Variants in SCAF11 observed in about 807,000 individuals in gnomAD.
The protein encoded by SCAF11 is protein SCAF11.
Under a neutral mutation model 140.5 loss-of-function variants are expected in SCAF11, and 47 were observed. The ratio of observed to expected loss-of-function variants is 0.33; its 90% CI spans 0.26 to 0.43. The LOEUF is 0.43. Among genes scored for constraint, SCAF11 ranks in the 20% least tolerant of loss-of-function variants. The pLI, the probability that SCAF11 is intolerant of heterozygous loss-of-function variation, is 1.00. For missense variants in SCAF11, 1,645 were observed against 1,705.1 expected, an observed-to-expected ratio of 0.96 and a Z score of 0.62; for synonymous variants, 557 against 579.4, an observed-to-expected ratio of 0.96 and a Z score of 0.55.
intron 1 of SCAF11, among the ~76,000 whole-genome samples, chr12:45,969,902 A>G (rs1049941438): frequency 6.8e-6 from 1 of 146,870 alleles, no homozygotes; most frequent in African/African-American, 2.5e-5. Flanking sequence ...ACATTCAACC[A>G]TTTTTTTTTT....
intron 1 of SCAF11, among the ~76,000 whole-genome samples, chr12:45,979,820 T>A (rs1015629631): frequency 2.0e-5 from 3 of 151,926 alleles, no homozygotes; most frequent in African/African-American, 7.3e-5. Context: ...CATTTCACAA[T>A]CCTACTCCTA....
chr12:45,971,687 AAG>A (rs1258774117), intron 1 of SCAF11, among the ~76,000 whole-genome samples: 3 of 152,112 alleles, frequency 2.0e-5, no homozygotes, highest in Admixed American at 6.5e-5. Context: ...AATGTTCAGA[AAG>A]AGAGGGGGAA....
chr12:45,933,760 C>A (rs1414030648), intron 8 of SCAF11, among the ~76,000 whole-genome samples: 2 of 152,044 alleles, frequency 1.3e-5, no homozygotes, highest in African/African-American at 4.8e-5. Flanking sequence ...GATTTTAAAA[C>A]CTCAATTTAA....
At chr12:45,991,887 A>C (rs965668337), upstream of SCAF11, 14 of 1,285,556 alleles carry the variant, frequency 1.1e-5, no homozygotes, top group East Asian at 7.3e-4. Context: ...CGGCTCACCC[A>C]GGTCCCAGTC....
chr12:45,992,010 T>C, upstream of SCAF11: 2 of 1,289,034 alleles, frequency 1.6e-6, no homozygotes, highest in Non-Finnish European at 2.0e-6. Context: ...CTCCCCACTT[T>C]GCCGCGGCCC....
At chr12:45,983,290 T>G (rs1298559295) in intron 1 of SCAF11, among the ~76,000 whole-genome samples, 1 of 152,054 alleles carries the variant, frequency 6.6e-6, no homozygotes, top group Non-Finnish European at 1.5e-5. Context: ...GAAAGAAGAC[T>G]AGATATCAAA....
chr12:45,963,994 T>G, intron 2 of SCAF11, 113 bp downstream of exon 2: 2 of 625,006 alleles, frequency 3.2e-6, no homozygotes, highest in South Asian at 1.9e-5. Context: ...TTTTGGAATT[T>G]AAGAACAACA....
intron 6 of SCAF11, among the ~76,000 whole-genome samples, chr12:45,938,225 C>A (rs1220245856): frequency 6.6e-6 from 1 of 152,212 alleles, no homozygotes; most frequent in Non-Finnish European, 1.5e-5. Context: ...CACAGTGGCT[C>A]ACAACTGTAA....
upstream of SCAF11, chr12:45,992,007 C>A (rs1402579868): frequency 7.8e-7 from 1 of 1,288,972 alleles, no homozygotes; most frequent in Non-Finnish European, 1.0e-6. Context: ...TTCCTCCCCA[C>A]TTTGCCGCGG....
chr12:45,981,883 A>G (rs1946359248), intron 1 of SCAF11, among the ~76,000 whole-genome samples: 1 of 152,208 alleles, frequency 6.6e-6, no homozygotes, highest in Non-Finnish European at 1.5e-5. Context: ...CACACCAATT[A>G]AAAGAGATTA....
chr12:45,981,800 T>C (rs1490460667), intron 1 of SCAF11, among the ~76,000 whole-genome samples: 3 of 152,122 alleles, frequency 2.0e-5, no homozygotes, highest in East Asian at 1.9e-4. Flanking sequence ...TCTCTCCCCA[T>C]ACCTCCCAAA....
chr12:45,981,470 T>G (rs757699585), intron 1 of SCAF11, among the ~76,000 whole-genome samples: 1 of 152,212 alleles, frequency 6.6e-6, no homozygotes, highest in Non-Finnish European at 1.5e-5. Context: ...AGCTCTGAGA[T>G]TCCTGTCTCC....
chr12:45,945,370 C>T, intron 5 of SCAF11, 57 bp from the exon 6 acceptor site: 1 of 1,048,756 alleles, frequency 9.5e-7, no homozygotes, highest in Non-Finnish European at 1.4e-6. Flanking sequence ...ATTTTGCTCA[C>T]TTATTTTCAA....
At chr12:45,990,781 G>A (rs1454095498), upstream of SCAF11, among the ~76,000 whole-genome samples, 2 of 152,242 alleles carry the variant, frequency 1.3e-5, no homozygotes, top group Non-Finnish European at 2.9e-5. Context: ...ACTGCTGTTT[G>A]AGACCGAGAA....
chr12:45,927,862 A>T lies in SCAF11; in HGVS notation c.1839T>A (p.Ser613=). 1 of 1,613,838 alleles carries T rather than the reference A, an allele frequency of 6.2e-7. No individual in the cohort carries two copies. The highest frequency in any genetic ancestry group is 1.1e-5 in the South Asian group (1 of 91,000). ...EELIESPKLE[S]SEGEIIQTVD... Reference sequence around the variant, plus strand: ...CTGTCTGTATAATTTCACCCTCAGAAGATTCTAACTTGGGGCTCTCTATAA... The same window carrying T: ...CTGTCTGTATAATTTCACCCTCAGATGATTCTAACTTGGGGCTCTCTATAA... Residue 613 remains serine, a synonymous_variant, in exon 11 of 15, where the codon TCT becomes TCA. Transcript: ENST00000369367.
chr12:45,924,730 G>A lies in SCAF11; in HGVS notation c.3904C>T (p.Gln1302Ter). 1 of 1,599,352 alleles carries A rather than the reference G, an allele frequency of 6.3e-7. No individual in the cohort carries two copies. Among genetic ancestry groups the A allele is most frequent in the Non-Finnish European group, 8.6e-7 (1 of 1,169,114 alleles). ...IASQPDGKQL[Q>*]GIPSSSHVSN... ...AACTTGAGTTGCTAAAAACATACCTGCAATTGCTTTCCATCTGGTTGTGAA... is the reference window on the plus strand; with the variant it reads ...AACTTGAGTTGCTAAAAACATACCTACAATTGCTTTCCATCTGGTTGTGAA... Residue 1302 changes from glutamine (Q) to a stop codon, truncating the protein, a stop_gained and splice_region_variant, in exon 12 of 15, where the codon CAG (glutamine) becomes TAG (stop). Transcript: ENST00000369367. LOFTEE classifies it high-confidence loss of function.
At chr12:45,944,885 T>C (rs1407282649) in intron 6 of SCAF11, among the ~76,000 whole-genome samples, 1 of 152,220 alleles carries the variant, frequency 6.6e-6, no homozygotes, top group Non-Finnish European at 1.5e-5. Flanking sequence ...CAGTCTTCCT[T>C]TGCTACTGCT....
rs148536014 is a variant in SCAF11 at position 45,928,530 on chromosome 12, G to A, written c.1171C>T (p.Arg391Trp). 18 of 1,613,934 alleles carry A rather than the reference G, an allele frequency of 1.1e-5. No individual in the cohort carries two copies. The highest frequency in any genetic ancestry group is 3.3e-5 in the South Asian group (3 of 91,072). ...RKPPLLKKKL[R>W]SSVAAPEKSS... ...TTTTCAGGGGCAGCTACAGAGCTCC[G>A]AAGTTTCTTTTTCAGTAAAGGTGGT... The change falls in exon 11 of 15, where the codon CGG (arginine) becomes TGG (tryptophan). Residue 391 changes from arginine to tryptophan, a missense_variant. By Grantham distance (101) the Arg-to-Trp change is moderately radical. Transcript: ENST00000369367.
At position 45,920,673 on chromosome 12, in the gene SCAF11, C is replaced by A. The variant is rs148268522; in HGVS notation, c.*1375G>T. On this transcript the variant is annotated 3_prime_UTR_variant, in exon 15 of 15. Coordinates refer to ENST00000369367, the MANE Select transcript of SCAF11 (RefSeq NM_004719.3). ...ACCAGGACTCCATTATTTAAATTTC[C>A]CCTCTGTTTCTAAAACACAGGTTTT... 183 of 152,346 alleles carry A rather than the reference C, an allele frequency of 1.2e-3. No individual in the cohort carries two copies. Among genetic ancestry groups the A allele is most frequent in the African/African-American group, 4.2e-3 (173 of 41,486 alleles). 9.4% of individuals were successfully genotyped at this position (152,346 alleles called of 1,614,324 possible).
Sources: allele counts gnomAD v4.1 joint callset (sites outside exome capture counted in the v4.1 genomes callset), GRCh38; gene constraint gnomAD v4.1.1; transcripts MANE v1.5; gene names NCBI Gene and HGNC (gene_info 2026-07-23, HGNC 2026-07-21).